Variants in RARB observed in about 807,000 individuals in gnomAD.
RARB encodes the protein HBV-activated protein.
A neutral mutation model predicts 51.9 loss-of-function variants in RARB; 17 were observed. The ratio of observed to expected loss-of-function variants is 0.33; its 90% confidence interval spans 0.22 to 0.49. RARB has a LOEUF of 0.49. RARB is among the 20% of genes least tolerant of loss of function. The probability of loss-of-function intolerance (pLI) is 0.99; values close to 1 mark genes in which losing one functional copy is unlikely to be tolerated. For synonymous variants in RARB, 215 were observed against 195.4 expected (o/e 1.10, Z -0.84); for missense variants, 369 against 550.8 (o/e 0.67, Z 3.30).
At chr3:25,158,255 T>A (rs2125344988) in intron 4 of RARB, among the ~76,000 whole-genome samples, 1 of 152,316 alleles carries the variant, frequency 6.6e-6, no homozygotes, top group Middle Eastern at 3.4e-3. Context: ...TCACCTTATA[T>A]CATATAGAAA....
chr3:24,865,366 C>T (rs879932797), intron 2 of RARB, among the ~76,000 whole-genome samples: 14 of 152,054 alleles, frequency 9.2e-5, no homozygotes, highest in African/African-American at 1.2e-4. Context: ...CCATGTTGCT[C>T]GAGGGTCAAC....
rs1697075553 is a variant in RARB, at chr3:24,997,850, A to G, written c.-379-62275A>G. The stretch of plus-strand genomic sequence containing the variant: ...TGAGTATAACAGTCTACATATATGC[A>G]TTATATCCAACTTCTTGATTGAGTT... On this transcript the variant is annotated intron_variant, in intron 2 of 11. Coordinates refer to the RARB transcript ENST00000383772. Among the ~76,000 whole-genome samples the G allele has an allele frequency of 2.0e-5, 3 of 152,294 alleles. No homozygotes were observed. The South Asian group carries it at 6.2e-4, about 32-fold the overall frequency.
intron 1 of RARB, among the ~76,000 whole-genome samples, chr3:24,857,199 C>T (rs1298604453): frequency 6.6e-6 from 1 of 152,114 alleles, no homozygotes; most frequent in Non-Finnish European, 1.5e-5. Flanking sequence ...AAAATTTCTC[C>T]TTACAGTCCC....
chr3:24,843,594 A>G (rs1250753128), intron 1 of RARB, among the ~76,000 whole-genome samples: 2 of 152,124 alleles, frequency 1.3e-5, no homozygotes, highest in Admixed American at 6.5e-5. Flanking sequence ...CCCACACACC[A>G]TCAAACTAAT....
chr3:25,574,165 G>T (rs1575532246), intron 4 of RARB, among the ~76,000 whole-genome samples: 1 of 152,174 alleles, frequency 6.6e-6, no homozygotes, highest in Admixed American at 6.5e-5. Flanking sequence ...CGTGTTCTCC[G>T]CTTCCTTAGG....
rs150775712 is a variant in RARB, at chr3:25,206,446, C to A, written c.178+31871C>A. Among the ~76,000 whole-genome samples, 546 of 152,224 alleles carry A rather than the reference C, an allele frequency of 3.6e-3. 3 individuals carry two copies. The highest frequency in any genetic ancestry group is 0.013 in the African/African-American group (525 of 41,532). ...TTTACACTGAGGATTTTGCTGGCTA[C>A]TCAGGGCAGCATAATGAGGTCTTTT... On this transcript the variant is annotated intron_variant, in intron 5 of 11. Transcript: ENST00000383772.
In RARB at chr3:25,428,391, AG is replaced by A. The variant is rs1357740003; in HGVS notation, c.-338del. The A allele has an allele frequency of 1.6e-6, 2 of 1,259,298 alleles. No individual in the cohort carries two copies. The highest frequency in any genetic ancestry group is 2.0e-6 in the Non-Finnish European group (2 of 1,004,108). 78.0% of individuals were successfully genotyped at this position (1,259,298 alleles called of 1,614,324 possible). A position where few individuals can be genotyped will look rare whatever the true frequency, so the allele number is the denominator to read the frequency against. On this transcript the variant is annotated 5_prime_UTR_variant, in exon 1 of 8. It removes the in-frame stop codon of an upstream open reading frame in the 5' UTR. Coordinates refer to ENST00000330688, the MANE Select transcript of RARB (RefSeq NM_000965.5). ...TGCCGAGAACGCGAGCGATCCGAGC[AG>A]GGTTTGTCTGGGCACCGTCGGGGTA...
chr3:25,134,280 CAA>C (rs1699997204), intron 4 of RARB, among the ~76,000 whole-genome samples: 1 of 151,736 alleles, frequency 6.6e-6, no homozygotes, highest in African/African-American at 2.4e-5. Flanking sequence ...AATCTTTAGT[CAA>C]AAATTCAGAA....
intron 2 of RARB, among the ~76,000 whole-genome samples, chr3:24,928,822 G>A (rs896104181): frequency 6.6e-6 from 1 of 151,936 alleles, no homozygotes; most frequent in Non-Finnish European, 1.5e-5. Flanking sequence ...TGGATTATAT[G>A]CAGTGATTGT....
chr3:25,108,377 A>G (rs187971904), intron 3 of RARB, among the ~76,000 whole-genome samples: 6 of 152,310 alleles, frequency 3.9e-5, no homozygotes, highest in Admixed American at 3.9e-4. Flanking sequence ...CCAGGTAGTT[A>G]TCTTTCAAAG....
At chr3:24,919,595 A>G (rs1179017579) in intron 2 of RARB, among the ~76,000 whole-genome samples, 1 of 151,950 alleles carries the variant, frequency 6.6e-6, no homozygotes, top group Admixed American at 6.6e-5. Context: ...CTCTGAGCCT[A>G]CTCTGGGTCT....
At chr3:25,132,786 T>A (rs1316614455) in intron 4 of RARB, among the ~76,000 whole-genome samples, 1 of 151,928 alleles carries the variant, frequency 6.6e-6, no homozygotes, top group Non-Finnish European at 1.5e-5. Context: ...TTAGCCTGAC[T>A]CCATGATTCC....
chr3:25,298,763 A>G (rs956886699), intron 5 of RARB, among the ~76,000 whole-genome samples: 18 of 152,152 alleles, frequency 1.2e-4, no homozygotes, highest in African/African-American at 4.3e-4. Flanking sequence ...GGAGCATTCT[A>G]AAGGGATTTC....
intron 2 of RARB, among the ~76,000 whole-genome samples, chr3:24,961,118 T>A (rs972966684): frequency 1.2e-4 from 18 of 152,248 alleles, no homozygotes; most frequent in African/African-American, 4.3e-4. Flanking sequence ...GTTCTGTCAT[T>A]ATAAGTTACT....
At chr3:25,465,607 A>G (rs1695391098) in intron 2 of RARB, among the ~76,000 whole-genome samples, 1 of 152,180 alleles carries the variant, frequency 6.6e-6, no homozygotes, top group South Asian at 2.1e-4. Flanking sequence ...AGAATTTAAC[A>G]AATGGGTGTG....
At chr3:25,104,266 A>C (rs1406793002) in intron 3 of RARB, among the ~76,000 whole-genome samples, 1 of 152,178 alleles carries the variant, frequency 6.6e-6, no homozygotes, top group African/African-American at 2.4e-5. Context: ...GCACCCATAC[A>C]TTGTTGATGG....
At chr3:25,471,610 T>C (rs1368263) in intron 2 of RARB, among the ~76,000 whole-genome samples, 25 of 151,336 alleles carry the variant, frequency 1.7e-4, no homozygotes, top group African/African-American at 5.6e-4. Context: ...TTTTTTTTTT[T>C]CCTTGAGTTG....
At chr3:25,418,338 T>C (rs760390461) in intron 5 of RARB, among the ~76,000 whole-genome samples, 3 of 152,220 alleles carry the variant, frequency 2.0e-5, no homozygotes, top group Non-Finnish European at 4.4e-5. Context: ...AAACATTACA[T>C]GGTACCAGAG....
At chr3:25,000,834 T>C (rs914486810) in intron 2 of RARB, among the ~76,000 whole-genome samples, 3 of 152,208 alleles carry the variant, frequency 2.0e-5, no homozygotes, top group African/African-American at 7.2e-5. Context: ...GTGTAAGTGC[T>C]ATAGATTTTT....
Sources: allele counts gnomAD v4.1 joint callset (sites outside exome capture counted in the v4.1 genomes callset), GRCh38; gene constraint gnomAD v4.1.1; transcripts MANE v1.5; gene names NCBI Gene and HGNC (gene_info 2026-07-23, HGNC 2026-07-21).